TMEM192: variants seen among roughly 807,000 people sequenced by gnomAD.
TMEM192 encodes transmembrane protein 192.
In TMEM192, 20 loss-of-function variants were observed where a neutral mutation model predicts 26.7. The observed-to-expected ratio is 0.75, with a 90% CI of 0.53 to 1.09. The LOEUF is 1.09. TMEM192 is among the 50% of genes least tolerant of loss of function. The probability of loss-of-function intolerance (pLI) is 0.00; values close to 1 mark genes in which losing one functional copy is unlikely to be tolerated. For missense variants in TMEM192, 304 were observed against 322.6 expected, an observed-to-expected ratio of 0.94 and a Z score of 0.44; for synonymous variants, 124 against 121.0, an observed-to-expected ratio of 1.02 and a Z score of -0.16.
intron 1 of TMEM192, among the ~76,000 whole-genome samples, 167 bp from the exon 2 acceptor site, chr4:165,103,263 A>G (rs1244615840): frequency 1.3e-5 from 2 of 151,970 alleles, no homozygotes; most frequent in African/African-American, 4.8e-5. Context: ...AATTTAATTT[A>G]ATTAATTAAA....
Position 165,112,838 on chromosome 4 carries a change from G to A in TMEM192, c.-65C>T, listed in dbSNP as rs1188548461. 1 of 1,575,304 alleles carries A rather than the reference G, an allele frequency of 6.3e-7. No homozygotes were observed. The highest frequency in any genetic ancestry group is 2.3e-5 in the East Asian group (1 of 42,666). ...TCTCCACCTGGACCTGTAAGCCTCT[G>A]GCCGCGAAACTCGCCACCTTCTGGG... On this transcript the variant is annotated 5_prime_UTR_variant, in exon 1 of 6. Transcript: ENST00000306480.
intron 5 of TMEM192, among the ~76,000 whole-genome samples, chr4:165,080,711 A>G (rs563240027): frequency 1.3e-5 from 2 of 152,110 alleles, no homozygotes; most frequent in South Asian, 4.1e-4. Flanking sequence ...ATGTAACCAC[A>G]TTACTATTAT....
At chr4:165,090,237 A>G (rs1578903603) in intron 3 of TMEM192, among the ~76,000 whole-genome samples, 2 of 148,994 alleles carry the variant, frequency 1.3e-5, no homozygotes, top group African/African-American at 5.0e-5. Context: ...AAAAAAAAAA[A>G]TGCATGGTGG....
At chr4:165,100,597 A>T (rs775400412) in intron 3 of TMEM192, 31 bp downstream of exon 3, 1 of 1,593,606 alleles carries the variant, frequency 6.3e-7, no homozygotes, top group Non-Finnish European at 8.5e-7. Context: ...TCCCTCAAGC[A>T]CCCAAGTAGC....
At chr4:165,103,920 G>T (rs990864613) in intron 1 of TMEM192, among the ~76,000 whole-genome samples, 1 of 152,040 alleles carries the variant, frequency 6.6e-6, no homozygotes, top group Non-Finnish European at 1.5e-5. Flanking sequence ...TACCCACCTC[G>T]GCCTCCCAAA....
chr4:165,074,295 G>A lies in TMEM192; in HGVS notation c.*5363C>T, dbSNP rs1734327665. The A allele has an allele frequency of 1.3e-5, 2 of 152,166 alleles. No individual in the cohort carries two copies. The highest frequency in any genetic ancestry group is 4.8e-5 in the African/African-American group (2 of 41,434). 9.4% of individuals were successfully genotyped at this position (152,166 alleles called of 1,614,324 possible). Reference sequence around the variant, plus strand: ...GAGGAAGGGAGAAGAATTAGAGATAGGCTTCCCTGGTTTGCGAATGAAACA... The same window carrying A: ...GAGGAAGGGAGAAGAATTAGAGATAAGCTTCCCTGGTTTGCGAATGAAACA... On this transcript the variant is annotated 3_prime_UTR_variant, in exon 6 of 6. Coordinates refer to ENST00000306480, the MANE Select transcript of TMEM192 (RefSeq NM_001100389.2).
rs1031878990 is a variant in TMEM192, at chr4:165,071,421, A to T, written c.*8237T>A. The T allele has an allele frequency of 1.3e-5, 2 of 152,220 alleles. No homozygotes were observed. Among genetic ancestry groups the T allele is most frequent in the East Asian group, 3.9e-4 (2 of 5,154 alleles). 9.4% of individuals were successfully genotyped at this position (152,220 alleles called of 1,614,324 possible). The stretch of plus-strand genomic sequence containing the variant: ...ATTCTCCTGCCTCAGCCTCCTGAAT[A>T]GCTGGGATTACAGACACGTGCCACC... On this transcript the variant is annotated 3_prime_UTR_variant, in exon 6 of 6. Coordinates refer to ENST00000306480, the MANE Select transcript of TMEM192 (RefSeq NM_001100389.2).
At chr4:165,081,430 C>G (rs1475626255) in intron 5 of TMEM192, among the ~76,000 whole-genome samples, 1 of 145,926 alleles carries the variant, frequency 6.9e-6, no homozygotes, top group African/African-American at 2.5e-5. Flanking sequence ...GTTGCCCAGG[C>G]TGGAGCACAG....
chr4:165,105,187 G>C (rs1175925657), intron 1 of TMEM192, among the ~76,000 whole-genome samples: 3 of 152,064 alleles, frequency 2.0e-5, no homozygotes, highest in Non-Finnish European at 4.4e-5. Context: ...TACACCTCTT[G>C]TCTTTGTAAT....
At chr4:165,098,440 T>C (rs4691151) in intron 3 of TMEM192, among the ~76,000 whole-genome samples, 1 of 151,034 alleles carries the variant, frequency 6.6e-6, no homozygotes, top group African/African-American at 2.4e-5. Flanking sequence ...TTTTTTTTTT[T>C]AAAACTTAAC....
chr4:165,099,970 T>A (rs917255291), intron 3 of TMEM192, among the ~76,000 whole-genome samples: 3 of 151,874 alleles, frequency 2.0e-5, no homozygotes, highest in African/African-American at 7.3e-5. Flanking sequence ...AAATAAAATT[T>A]AAAAATTCCC....
At chr4:165,095,934 C>G (rs1169893355) in intron 3 of TMEM192, among the ~76,000 whole-genome samples, 1 of 145,352 alleles carries the variant, frequency 6.9e-6, no homozygotes, top group Non-Finnish European at 1.5e-5. Flanking sequence ...ACCACCACCC[C>G]AGTCATGCCC....
intron 2 of TMEM192, among the ~76,000 whole-genome samples, chr4:165,101,888 G>T (rs1735046959): frequency 6.6e-6 from 1 of 152,216 alleles, no homozygotes; most frequent in Non-Finnish European, 1.5e-5. Context: ...CTGCAGACAG[G>T]CAAACCTATC....
chr4:165,095,755 G>A (rs1734879055), intron 3 of TMEM192, among the ~76,000 whole-genome samples: 1 of 152,018 alleles, frequency 6.6e-6, no homozygotes. Context: ...ACTTGGCTAT[G>A]TAACTAATAA....
At chr4:165,090,108 GGC>G (rs1165592219) in intron 3 of TMEM192, among the ~76,000 whole-genome samples, 2 of 151,502 alleles carry the variant, frequency 1.3e-5, no homozygotes, top group Non-Finnish European at 2.9e-5. Context: ...CTACTTGGGA[GGC>G]TGAGGCAGGA....
intron 1 of TMEM192, among the ~76,000 whole-genome samples, chr4:165,110,888 C>T (rs895440804): frequency 6.6e-6 from 1 of 152,146 alleles, no homozygotes; most frequent in Admixed American, 6.6e-5. Flanking sequence ...GGTTTCACTG[C>T]CTGCAAACAA....
Position 165,108,599 on chromosome 4 carries a change from G to A in TMEM192, c.27+4148C>T, listed in dbSNP as rs1415802295. On this transcript the variant is annotated intron_variant, in intron 1 of 5. Coordinates refer to ENST00000306480, the MANE Select transcript of TMEM192 (RefSeq NM_001100389.2). ...ATGCTCTGTGAATTATGAGGGTTCC[G>A]TCTGGCTTGTGGGTGAAATAGGCAG... 1.1e-4 allele frequency among the ~76,000 whole-genome samples: 17 copies of A among 152,244 alleles called. No homozygotes were observed. In the South Asian group the frequency reaches 2.1e-3, roughly 19 times the overall value.
Position 165,083,588 on chromosome 4 carries a change from TTAAG to T in TMEM192, c.677+1994_677+1997del, listed in dbSNP as rs1463984233. ...TTTTGTTCTTTTTTCTTTTTATTCATTAAGTATTTATATTCCACACTATAATAAA... is the reference window on the plus strand; with the variant it reads ...TTTTGTTCTTTTTTCTTTTTATTCATTATTTATATTCCACACTATAATAAA... On this transcript the variant is annotated intron_variant, in intron 5 of 5. Coordinates refer to ENST00000306480, the MANE Select transcript of TMEM192 (RefSeq NM_001100389.2). Among the ~76,000 whole-genome samples the T allele has an allele frequency of 1.5e-4, 6 of 40,136 alleles. 3 individuals are homozygous for T. The allele number at this position is 40,136 out of a possible 152,430, so 26.3% of individuals were successfully genotyped here.
intron 2 of TMEM192, among the ~76,000 whole-genome samples, 165 bp from the exon 3 acceptor site, chr4:165,101,057 A>G (rs547535793): frequency 6.9e-6 from 1 of 145,350 alleles, no homozygotes; most frequent in South Asian, 2.2e-4. Flanking sequence ...GCTTACTGCA[A>G]GCTCCACCTC....
Sources: gnomAD v4.1 joint callset for allele counts (sites outside exome capture counted in the v4.1 genomes callset) on GRCh38, gnomAD v4.1.1 for gene constraint, MANE v1.5 for transcripts, NCBI Gene and HGNC (gene_info 2026-07-23, HGNC 2026-07-21) for gene names.